TPCN1: variants seen among roughly 807,000 people sequenced by gnomAD.
TPCN1 encodes the protein two pore segment channel 1.
A neutral mutation model predicts 108.8 loss-of-function variants in TPCN1; 52 were observed. The ratio of observed to expected loss-of-function variants is 0.48; its 90% CI spans 0.38 to 0.60. The LOEUF (loss-of-function observed/expected upper bound fraction) is 0.60, where lower values mean the gene tolerates loss of function less well. TPCN1 is among the 20% of genes least tolerant of loss of function. The probability of loss-of-function intolerance (pLI) is 0.00; values close to 1 mark genes in which losing one functional copy is unlikely to be tolerated. For missense variants in TPCN1, 806 were observed against 1,072.8 expected (o/e 0.75, Z 3.47); for synonymous variants, 446 against 433.7 (o/e 1.03, Z -0.35).
Position 113,266,127 on chromosome 12 carries a change from G to A in TPCN1, c.238-53G>A, listed in dbSNP as rs182213369. ...CCTCCCCTGCCCGCGGCTCCTCTTTGGCGTTGGATGGGTCTCCAGGCTTAC... is the reference window on the plus strand; with the variant it reads ...CCTCCCCTGCCCGCGGCTCCTCTTTAGCGTTGGATGGGTCTCCAGGCTTAC... On this transcript the variant is annotated intron_variant, in intron 3 of 27. Coordinates refer to ENST00000335509, the MANE Select transcript of TPCN1 (RefSeq NM_017901.6). This position sits in a 1 kb window ranked among gnomAD's most constrained non-coding sequence, Gnocchi z 4.2. 6.3e-7 allele frequency: 1 copy of A among 1,593,892 alleles called. No individual in the cohort carries two copies. Among genetic ancestry groups the A allele is most frequent in the Non-Finnish European group, 8.6e-7 (1 of 1,166,534 alleles).
intron 2 of TPCN1, among the ~76,000 whole-genome samples, chr12:113,251,916 C>T (rs2136533157): frequency 6.6e-6 from 1 of 152,302 alleles, no homozygotes; most frequent in African/African-American, 2.4e-5. Context: ...AGAGTGAGTC[C>T]AGGTTGCTGC....
At chr12:113,244,493 AT>A in intron 2 of TPCN1, 1 of 985,370 alleles carries the variant, frequency 1.0e-6, no homozygotes, top group Non-Finnish European at 1.2e-6. Context: ...GGGGATGTGC[AT>A]TTTGCTTTCT....
chr12:113,245,184 G>A lies in TPCN1; in HGVS notation c.113-15184G>A, dbSNP rs1954308727. 1.3e-5 allele frequency among the ~76,000 whole-genome samples: 2 copies of A among 151,980 alleles called. 1 individual carries two copies. Among genetic ancestry groups the A allele is most frequent in the South Asian group, 4.2e-4 (2 of 4,806 alleles). ...CTTGGGAGGCTGAGGTGGGAGGATT[G>A]CTTGAACCCAGGAGATAAAGGCTGC... On this transcript the variant is annotated intron_variant, in intron 2 of 27. Coordinates refer to ENST00000335509, the MANE Select transcript of TPCN1 (RefSeq NM_017901.6).
At chr12:113,226,367 A>G (rs2136428582) in intron 1 of TPCN1, among the ~76,000 whole-genome samples, 2 of 152,014 alleles carry the variant, frequency 1.3e-5, no homozygotes, top group South Asian at 4.2e-4. Context: ...TGCAGCTTCC[A>G]CCTCCTGGGT....
chr12:113,238,594 C>T (rs1953982816), intron 2 of TPCN1, among the ~76,000 whole-genome samples: 1 of 152,210 alleles, frequency 6.6e-6, no homozygotes, highest in South Asian at 2.1e-4. Flanking sequence ...CACTCCTGGC[C>T]CTTCCTGTTT....
intron 18 of TPCN1, 27 bp from the exon 19 acceptor site, chr12:113,286,960 T>C (rs751871333): frequency 2.2e-5 from 34 of 1,574,716 alleles, no homozygotes; most frequent in Non-Finnish European, 2.9e-5. Context: ...GGCCACAGGG[T>C]GGACCTTGGC....
Position 113,292,674 on chromosome 12 carries a change from A to G in TPCN1, c.2114-260A>G, listed in dbSNP as rs1956306013. 2 of 404,840 alleles carry G rather than the reference A, an allele frequency of 4.9e-6. 1 individual carries two copies. The highest frequency in any genetic ancestry group is 8.5e-5 in the South Asian group (2 of 23,540). 25.1% of individuals were successfully genotyped at this position (404,840 alleles called of 1,614,324 possible). ...CTCTGTGCTATCAGACCATCTGACCATTTTCTCTGTGCTTAGAGGCCCCTT... is the reference window on the plus strand; with the variant it reads ...CTCTGTGCTATCAGACCATCTGACCGTTTTCTCTGTGCTTAGAGGCCCCTT... On this transcript the variant is annotated intron_variant, in intron 25 of 27. Coordinates refer to ENST00000335509, the MANE Select transcript of TPCN1 (RefSeq NM_017901.6).
chr12:113,282,553 C>T (rs1400042013), intron 15 of TPCN1, among the ~76,000 whole-genome samples: 6 of 150,482 alleles, frequency 4.0e-5, no homozygotes, highest in Non-Finnish European at 7.4e-5. Flanking sequence ...AGTTTGAGAC[C>T]AGCCTGGGCA....
chr12:113,222,727 T>A (rs988490018), intron 1 of TPCN1, among the ~76,000 whole-genome samples: 1 of 152,194 alleles, frequency 6.6e-6, no homozygotes, highest in African/African-American at 2.4e-5. Flanking sequence ...TCTTTTTTTT[T>A]AGCTCATCAT....
At chr12:113,257,881 G>T (rs908468875) in intron 2 of TPCN1, among the ~76,000 whole-genome samples, 1 of 151,720 alleles carries the variant, frequency 6.6e-6, no homozygotes, top group African/African-American at 2.4e-5. Flanking sequence ...CTGAGTGAAA[G>T]AATCCAAGCA....
intron 2 of TPCN1, among the ~76,000 whole-genome samples, chr12:113,241,190 C>A (rs1055440145): frequency 5.3e-5 from 8 of 152,228 alleles, no homozygotes; most frequent in Non-Finnish European, 1.0e-4. Flanking sequence ...CAGTGCCTGG[C>A]CATTGACTGC....
rs765592163 is a variant in TPCN1, at chr12:113,291,921, C to T, written c.2076C>T (p.Phe692=). 2 of 1,605,648 alleles carry T rather than the reference C, an allele frequency of 1.2e-6. No homozygotes were observed. The highest frequency in any genetic ancestry group is 2.7e-5 in the African/African-American group (2 of 74,576). The part of the protein sequence containing the change: ...IVAFILEAFV[F]RMNYSRKNQD... ...CCTTTATCCTCGAGGCCTTCGTCTTCCGAATGAACTACAGCCGCAAGAACC... is the reference window on the plus strand; with the variant it reads ...CCTTTATCCTCGAGGCCTTCGTCTTTCGAATGAACTACAGCCGCAAGAACC... The change falls in exon 25 of 28, where the codon TTC becomes TTT. Residue 692 remains phenylalanine (F), a synonymous_variant. Transcript: ENST00000335509.
intron 26 of TPCN1, 61 bp downstream of exon 26, chr12:113,293,134 C>T: frequency 1.2e-6 from 2 of 1,600,802 alleles, no homozygotes; most frequent in Non-Finnish European, 8.5e-7. Context: ...GTGGCATAAT[C>T]CCTTCCCTCA....
rs934087170 is a variant in TPCN1, at chr12:113,293,296, C to A, written c.2281C>A (p.Arg761=). 6.2e-7 allele frequency: 1 copy of A among 1,614,030 alleles called. No homozygotes were observed. The highest frequency in any genetic ancestry group is 8.5e-7 in the Non-Finnish European group (1 of 1,180,020). Residue 761 remains arginine, a synonymous_variant, in exon 27 of 28, where the codon CGA becomes AGA. Coordinates refer to ENST00000335509, the MANE Select transcript of TPCN1 (RefSeq NM_017901.6). ...ACATTCCATGGTGTTTCTGGGACGG[C>A]GATCAAGGACCAAGAGCGACCTGAG... ...QQHSMVFLGR[R]SRTKSDLSLK...
intron 22 of TPCN1, among the ~76,000 whole-genome samples, chr12:113,290,709 C>G (rs781732141): frequency 2.6e-5 from 4 of 152,202 alleles, no homozygotes; most frequent in Non-Finnish European, 5.9e-5. Context: ...TCCAGATAGT[C>G]TGATGTGGCA....
intron 14 of TPCN1, among the ~76,000 whole-genome samples, chr12:113,279,397 T>A (rs1283646618): frequency 1.3e-5 from 1 of 78,888 alleles, no homozygotes. Flanking sequence ...ATATATTTTT[T>A]TTTTTTTTTT....
Position 113,288,642 on chromosome 12 carries a change from G to A in TPCN1, c.1707-116G>A. The A allele has an allele frequency of 6.5e-7, 1 of 1,539,632 alleles. No homozygotes were observed. The highest frequency in any genetic ancestry group is 8.7e-7 in the Non-Finnish European group (1 of 1,147,008). Reference sequence around the variant, plus strand: ...TCCCCGCAGGCACTTTCCAGTTGGTGAACCGACCAGGGGCATGGCCCTGCA... The same window carrying A: ...TCCCCGCAGGCACTTTCCAGTTGGTAAACCGACCAGGGGCATGGCCCTGCA... On this transcript the variant is annotated intron_variant, in intron 20 of 27. Transcript: ENST00000335509. This position sits in a 1 kb window ranked among gnomAD's most constrained non-coding sequence, Gnocchi z 4.8.
At position 113,296,473 on chromosome 12, in the gene TPCN1, C is replaced by T. The variant is rs564168234; in HGVS notation, c.*397C>T. Reference sequence around the variant, plus strand: ...CATCCCCCCGACCTGATGGCGTGCCCGCCCCCTCTCCCTGCGGCCCATGCC... The same window carrying T: ...CATCCCCCCGACCTGATGGCGTGCCTGCCCCCTCTCCCTGCGGCCCATGCC... On this transcript the variant is annotated 3_prime_UTR_variant, in exon 28 of 28. Coordinates refer to ENST00000335509, the MANE Select transcript of TPCN1 (RefSeq NM_017901.6). 1.4e-4 allele frequency: 26 copies of T among 188,572 alleles called. No homozygotes were observed. Among genetic ancestry groups the T allele is most frequent in the Admixed American group, 3.4e-4 (6 of 17,536 alleles). The allele number at this position is 188,572 out of a possible 1,614,324, so 11.7% of individuals were successfully genotyped here.
intron 10 of TPCN1, 96 bp from the exon 11 acceptor site, chr12:113,276,823 A>G (rs898064464): frequency 3.4e-5 from 28 of 825,774 alleles, no homozygotes; most frequent in African/African-American, 3.2e-4. Flanking sequence ...GTGACTGGGT[A>G]AGAGCCTTGC....
Sources: allele counts gnomAD v4.1 joint callset (sites outside exome capture counted in the v4.1 genomes callset), GRCh38; gene constraint gnomAD v4.1.1; non-coding constraint Gnocchi (gnomAD v3.1); transcripts MANE v1.5; gene names NCBI Gene and HGNC (gene_info 2026-07-23, HGNC 2026-07-21).